CFAP57: variants seen among roughly 807,000 people sequenced by gnomAD.
CFAP57 encodes the protein cilia and flagella associated protein 57.
CFAP57 carries 116 observed loss-of-function variants against 146.8 expected under a neutral mutation model. That is an observed-to-expected ratio of 0.79 (90% CI 0.68 to 0.92). The LOEUF (loss-of-function observed/expected upper bound fraction) is 0.92, where lower values mean the gene tolerates loss of function less well. Among genes scored for constraint, CFAP57 ranks in the 40% least tolerant of loss-of-function variants. The probability of loss-of-function intolerance (pLI) is 0.00; values close to 1 mark genes in which losing one functional copy is unlikely to be tolerated. For missense variants in CFAP57, 1,377 were observed against 1,527.2 expected (o/e 0.90, Z 1.64); for synonymous variants, 518 against 552.8 (o/e 0.94, Z 0.88).
chr1:43,222,211 C>T lies in CFAP57; in HGVS notation c.2448C>T (p.Asn816=), dbSNP rs1432543820. The T allele has an allele frequency of 9.8e-6, 15 of 1,537,412 alleles. No individual in the cohort carries two copies. Among genetic ancestry groups the T allele is most frequent in the East Asian group, 7.4e-5 (3 of 40,270 alleles). ...AGTATGAAAAACAGCTCCGGGATAA[C>T]GATGAGACCAAGAGCCAGGCCCTGG... The part of the protein sequence containing the change: ...QEEYEKQLRD[N]DETKSQALEE... The change falls in exon 15 of 23, where the codon AAC becomes AAT. Residue 816 remains asparagine, a synonymous_variant. Transcript: ENST00000372492.
intron 16 of CFAP57, 141 bp downstream of exon 16, chr1:43,223,138 C>T: frequency 2.2e-6 from 2 of 921,748 alleles, no homozygotes; most frequent in Non-Finnish European, 1.6e-6. Flanking sequence ...GAGAAGAGCA[C>T]CAGCCAGTGC....
intron 9 of CFAP57, among the ~76,000 whole-genome samples, chr1:43,202,809 T>A (rs1216978383): frequency 6.2e-5 from 9 of 145,636 alleles, no homozygotes; most frequent in Non-Finnish European, 1.2e-4. Context: ...GAAAAAAAAA[T>A]TGAAAGGATA....
chr1:43,249,894 C>A (rs951094880), intron 22 of CFAP57, among the ~76,000 whole-genome samples: 10 of 152,140 alleles, frequency 6.6e-5, no homozygotes, highest in African/African-American at 2.4e-4. Context: ...ATACCAAAAT[C>A]ATTTTGTTTT....
At chr1:43,196,036 A>G (rs12118791) in intron 6 of CFAP57, among the ~76,000 whole-genome samples, 27,456 of 152,238 alleles carry the variant, frequency 0.18, 3,591 homozygotes, top group African/African-American at 0.35. Context: ...AAAGGTTGGA[A>G]TGTTTGAAAA....
chr1:43,181,501 A>G (rs770359855), intron 2 of CFAP57, 33 bp from the exon 3 acceptor site: 2 of 1,612,444 alleles, frequency 1.2e-6, no homozygotes, highest in African/African-American at 2.7e-5. Context: ...AGTGTGATCT[A>G]CCCTGATTAT....
intron 12 of CFAP57, among the ~76,000 whole-genome samples, chr1:43,216,446 A>G (rs1295462947): frequency 2.6e-5 from 4 of 152,140 alleles, no homozygotes; most frequent in Admixed American, 2.6e-4. Context: ...CAGAAGGGAC[A>G]TTTCCTTTTC....
chr1:43,252,258 A>G (rs1646343269), intron 22 of CFAP57, among the ~76,000 whole-genome samples: 2 of 152,198 alleles, frequency 1.3e-5, no homozygotes, highest in South Asian at 4.1e-4. Context: ...ATCTTGCATA[A>G]GAAGATGGGT....
Position 43,254,268 on chromosome 1 carries a change from G to T in CFAP57, c.*77G>T, listed in dbSNP as rs1381814644. 13 of 1,307,934 alleles carry T rather than the reference G, an allele frequency of 9.9e-6. No individual in the cohort carries two copies. The highest frequency in any genetic ancestry group is 1.5e-5 in the African/African-American group (1 of 67,680). The allele number at this position is 1,307,934 out of a possible 1,614,324, so 81.0% of individuals were successfully genotyped here. On this transcript the variant is annotated 3_prime_UTR_variant, in exon 23 of 23. Coordinates refer to ENST00000372492, the MANE Select transcript of CFAP57 (RefSeq NM_001378189.1). Reference sequence around the variant, plus strand: ...TGTCCCCAAGCCAGACTTGCGGTTGGAGTCTGTATGGTCCCTGCAGCACTG... The same window carrying T: ...TGTCCCCAAGCCAGACTTGCGGTTGTAGTCTGTATGGTCCCTGCAGCACTG...
Position 43,234,355 on chromosome 1 carries a change from G to T in CFAP57, c.3203G>T (p.Arg1068Leu). ...HNCVAYIQEPRLLKEKVRGLF... is the reference protein window; with the variant it reads ...HNCVAYIQEPLLLKEKVRGLF... Reference sequence around the variant, plus strand: ...TGCGTAGCCTATATTCAGGAACCGCGGCTGCTGAAGGAGAAGGTTCGAGGT... The same window carrying T: ...TGCGTAGCCTATATTCAGGAACCGCTGCTGCTGAAGGAGAAGGTTCGAGGT... Residue 1068 changes from arginine (R) to leucine (L), a missense_variant, in exon 20 of 23, where the codon CGG becomes CTG. By Grantham distance (102) the Arg-to-Leu change is moderately radical. Transcript: ENST00000372492. The T allele has an allele frequency of 6.4e-7, 1 of 1,550,422 alleles. No homozygotes were observed. The highest frequency in any genetic ancestry group is 8.7e-7 in the Non-Finnish European group (1 of 1,146,944).
In CFAP57 at chr1:43,234,514, A is replaced by G; in HGVS notation, c.3281A>G (p.Asn1094Ser). Residue 1094 changes from asparagine (N) to serine (S), a missense_variant, in exon 21 of 23, where the codon AAC (asparagine) becomes AGC (serine). By Grantham distance (46) the Asn-to-Ser change is conservative (BLOSUM62 1). Transcript: ENST00000372492. ...RADMVEIAGL[N>S]TDLQQEYTRQ... is the part of the protein sequence containing the mutation. ...CGTCAGGTGGAGATCGCAGGGCTGA[A>G]CACAGACCTGCAGCAGGAGTACACC... The G allele has an allele frequency of 1.3e-6, 2 of 1,549,906 alleles. No individual in the cohort carries two copies. The highest frequency in any genetic ancestry group is 1.7e-6 in the Non-Finnish European group (2 of 1,146,632).
intron 18 of CFAP57, among the ~76,000 whole-genome samples, chr1:43,231,669 C>T (rs1454633223): frequency 7.3e-6 from 1 of 137,460 alleles, no homozygotes; most frequent in African/African-American, 2.7e-5. Context: ...GCCTGGACAA[C>T]ATGGTGAAAC....
At chr1:43,180,465 C>A (rs1645357608) in intron 2 of CFAP57, among the ~76,000 whole-genome samples, 1 of 151,864 alleles carries the variant, frequency 6.6e-6, no homozygotes, top group Non-Finnish European at 1.5e-5. Flanking sequence ...AGGCCCAGGG[C>A]AGGGAGCGTG....
At chr1:43,241,896 G>A (rs1645939596) in intron 21 of CFAP57, among the ~76,000 whole-genome samples, 1 of 152,152 alleles carries the variant, frequency 6.6e-6, no homozygotes, top group Non-Finnish European at 1.5e-5. Context: ...CCTTGGGGAT[G>A]GGGCTCCTCC....
In CFAP57 at chr1:43,181,431, T is replaced by TCCACCACTGTCCACTCCAGTGC. The variant is rs1376009534; in HGVS notation, c.158-95_158-74dup. ...GCCAAGGCCGCCTTTCTTCTTTGTG[T>TCCACCACTGTCCACTCCAGTGC]CCACCACTGTCCACTCCAGTGCCCA... On this transcript the variant is annotated intron_variant, in intron 2 of 22. Transcript: ENST00000372492. The TCCACCACTGTCCACTCCAGTGC allele has an allele frequency of 2.2e-6, 3 of 1,364,374 alleles. No individual in the cohort carries two copies. The Admixed American group carries it at 5.6e-5, about 26-fold the overall frequency. The allele number at this position is 1,364,374 out of a possible 1,614,324, so 84.5% of individuals were successfully genotyped here.
chr1:43,217,157 G>C (rs1436859358), intron 12 of CFAP57, among the ~76,000 whole-genome samples: 1 of 152,186 alleles, frequency 6.6e-6, no homozygotes, highest in Non-Finnish European at 1.5e-5. Flanking sequence ...CTCCTAGTTA[G>C]GTTGTGCCAG....
chr1:43,190,771 A>G (rs989989773), intron 6 of CFAP57, among the ~76,000 whole-genome samples: 1 of 151,868 alleles, frequency 6.6e-6, no homozygotes, highest in African/African-American at 2.4e-5. Context: ...TTATTAATAT[A>G]GTATATTATA....
chr1:43,247,138 T>C (rs1225859155), intron 22 of CFAP57, among the ~76,000 whole-genome samples: 2 of 152,222 alleles, frequency 1.3e-5, no homozygotes, highest in African/African-American at 4.8e-5. Flanking sequence ...TCAGAACTTA[T>C]AAAAGCCTTC....
intron 18 of CFAP57, chr1:43,232,036 A>C (rs575660069): frequency 1.0e-4 from 72 of 698,298 alleles, no homozygotes; most frequent in South Asian, 2.2e-4. Context: ...TGGTGCCCAC[A>C]TGTTGGTCCC....
intron 6 of CFAP57, 50 bp from the exon 7 acceptor site, chr1:43,197,503 G>A (rs1160160245): frequency 1.2e-6 from 2 of 1,613,912 alleles, no homozygotes. Flanking sequence ...GACATGTACA[G>A]CCAGCCTTTT....
Sources: allele counts gnomAD v4.1 joint callset (sites outside exome capture counted in the v4.1 genomes callset), GRCh38; gene constraint gnomAD v4.1.1; transcripts MANE v1.5; gene names NCBI Gene and HGNC (gene_info 2026-07-23, HGNC 2026-07-21).